Variants in GALNT13 observed in about 807,000 individuals in gnomAD.
GALNT13 encodes polypeptide N-acetylgalactosaminyltransferase 13.
In GALNT13, 28 loss-of-function variants were observed where a neutral mutation model predicts 64.2. The ratio of observed to expected loss-of-function variants is 0.44; its 90% CI spans 0.32 to 0.60. GALNT13 has a LOEUF of 0.60. Among genes scored for constraint, GALNT13 ranks in the 20% least tolerant of loss-of-function variants. The pLI is 0.05. For synonymous variants in GALNT13, 214 were observed against 224.6 expected, an observed-to-expected ratio of 0.95 and a Z score of 0.42; for missense variants, 577 against 669.8, an observed-to-expected ratio of 0.86 and a Z score of 1.53.
chr2:153,457,765 T>G, the GALNT13 span, among the ~76,000 whole-genome samples: 4 of 152,218 alleles, frequency 2.6e-5, no homozygotes, highest in African/African-American at 9.6e-5. Context: ...TGCTTTTAAT[T>G]TTCATCTTTA....
chr2:153,413,996 G>GA, the GALNT13 span, among the ~76,000 whole-genome samples: 2 of 152,238 alleles, frequency 1.3e-5, no homozygotes, highest in East Asian at 1.9e-4. Context: ...GAGAATGGAA[G>GA]AAAAAATGCC....
the GALNT13 span, among the ~76,000 whole-genome samples, chr2:153,657,703 G>C: frequency 6.6e-6 from 1 of 152,108 alleles, no homozygotes. Flanking sequence ...TTTCAGTGAA[G>C]TTTTTCAAGT....
chr2:153,989,362 A>G (rs1451279823), intron 3 of GALNT13, among the ~76,000 whole-genome samples: 1 of 151,812 alleles, frequency 6.6e-6, no homozygotes, highest in Non-Finnish European at 1.5e-5. Flanking sequence ...ATTAAGAGAG[A>G]GTGGAAAGTT....
At chr2:153,968,822 A>T (rs1396095900) in intron 3 of GALNT13, among the ~76,000 whole-genome samples, 1 of 152,220 alleles carries the variant, frequency 6.6e-6, no homozygotes, top group African/African-American at 2.4e-5. Flanking sequence ...TAGTTTTAAT[A>T]GTTTAAAAAC....
chr2:153,251,403 C>T, the GALNT13 span, among the ~76,000 whole-genome samples: 1 of 152,126 alleles, frequency 6.6e-6, no homozygotes, highest in Non-Finnish European at 1.5e-5. Context: ...TTGTTTTGAT[C>T]CTCTTTTAAT....
At chr2:154,426,471 A>G (rs542162815) in intron 11 of GALNT13, among the ~76,000 whole-genome samples, 20 of 152,328 alleles carry the variant, frequency 1.3e-4, no homozygotes, top group African/African-American at 3.6e-4. Context: ...ATACCAGGGG[A>G]TAGAAACCTT....
the GALNT13 span, among the ~76,000 whole-genome samples, chr2:153,687,995 C>A: frequency 6.6e-6 from 1 of 151,980 alleles, no homozygotes; most frequent in Admixed American, 6.6e-5. Context: ...GCATTAACCT[C>A]AAATATTGCT....
the GALNT13 span, among the ~76,000 whole-genome samples, chr2:153,717,235 T>C: frequency 1.3e-5 from 2 of 152,340 alleles, no homozygotes; most frequent in Middle Eastern, 3.4e-3. Context: ...TTGTTCCTAA[T>C]TGCTAGCAGT....
At chr2:154,047,349 C>CT (rs1354110502) in intron 3 of GALNT13, among the ~76,000 whole-genome samples, 7 of 152,094 alleles carry the variant, frequency 4.6e-5, no homozygotes, top group Admixed American at 1.3e-4. Context: ...TTCTGTAGAT[C>CT]TTAAGTATGA....
the GALNT13 span, among the ~76,000 whole-genome samples, chr2:153,430,123 G>T: frequency 6.6e-6 from 1 of 152,064 alleles, no homozygotes; most frequent in Non-Finnish European, 1.5e-5. Flanking sequence ...TTTTAGATTG[G>T]ACTTATTAAA....
At chr2:153,985,589 A>T (rs1490364910) in intron 3 of GALNT13, among the ~76,000 whole-genome samples, 1 of 152,032 alleles carries the variant, frequency 6.6e-6, no homozygotes, top group Non-Finnish European at 1.5e-5. Flanking sequence ...TCTGAAAGAC[A>T]AAATAAATAA....
At chr2:153,551,285 G>A in the GALNT13 span, among the ~76,000 whole-genome samples, 4 of 152,236 alleles carry the variant, frequency 2.6e-5, no homozygotes, top group Admixed American at 1.3e-4. Context: ...AATTTCTCAT[G>A]ACAGAGGATC....
At chr2:153,750,306 T>G in the GALNT13 span, among the ~76,000 whole-genome samples, 2 of 151,840 alleles carry the variant, frequency 1.3e-5, no homozygotes, top group Non-Finnish European at 3.0e-5. Flanking sequence ...TGTGTGTTTG[T>G]CTGGTTTTGG....
the GALNT13 span, among the ~76,000 whole-genome samples, chr2:153,424,899 C>A: frequency 1.8e-4 from 28 of 151,788 alleles, no homozygotes; most frequent in African/African-American, 6.5e-4. Context: ...TGTTTATTCA[C>A]TAGAAAAAAT....
intron 3 of GALNT13, among the ~76,000 whole-genome samples, chr2:154,103,106 A>G (rs1702434308): frequency 1.3e-5 from 2 of 151,638 alleles, no homozygotes; most frequent in African/African-American, 2.4e-5. Flanking sequence ...ATATTTTTCA[A>G]ATTTCTTTTT....
At chr2:153,161,401 T>C in the GALNT13 span, among the ~76,000 whole-genome samples, 1 of 152,216 alleles carries the variant, frequency 6.6e-6, no homozygotes, top group East Asian at 1.9e-4. Flanking sequence ...GATATGATTT[T>C]GTATTGTGTG....
intron 9 of GALNT13, among the ~76,000 whole-genome samples, chr2:154,391,263 C>T (rs559177936): frequency 6.6e-6 from 1 of 152,260 alleles, no homozygotes; most frequent in Non-Finnish European, 1.5e-5. Context: ...TTTTATTAGG[C>T]TGACTGGTTT....
chr2:154,310,842 C>T (rs1559083306), intron 9 of GALNT13, among the ~76,000 whole-genome samples: 1 of 151,912 alleles, frequency 6.6e-6, no homozygotes, highest in Non-Finnish European at 1.5e-5. Flanking sequence ...AAAATACGGC[C>T]TTCCACATAA....
chr2:154,190,572 G>C (rs186517646), intron 4 of GALNT13, among the ~76,000 whole-genome samples: 1 of 152,152 alleles, frequency 6.6e-6, no homozygotes, highest in Non-Finnish European at 1.5e-5. Context: ...TTACAGAGGA[G>C]GCAAAGTCCA....
Sources: allele counts gnomAD v4.1 joint callset (sites outside exome capture counted in the v4.1 genomes callset), GRCh38; gene constraint gnomAD v4.1.1; transcripts MANE v1.5; gene names NCBI Gene and HGNC (gene_info 2026-07-23, HGNC 2026-07-21).